The following GLT1D1 variants were observed in gnomAD, a reference collection of about 807,000 sequenced individuals.
GLT1D1 encodes the protein glycosyltransferase 1 domain containing 1.
Under a neutral mutation model 28.7 loss-of-function variants are expected in GLT1D1, and 21 were observed. The observed-to-expected ratio is 0.73, with a 90% CI of 0.52 to 1.05. The LOEUF is 1.05. Among genes scored for constraint, GLT1D1 ranks in the 50% least tolerant of loss-of-function variants. The probability of loss-of-function intolerance (pLI) is 0.00; values close to 1 mark genes in which losing one functional copy is unlikely to be tolerated. For synonymous variants in GLT1D1, 147 were observed against 124.8 expected (o/e 1.18, Z -1.19); for missense variants, 343 against 330.6 (o/e 1.04, Z -0.29).
At chr12:128,904,968 C>T (rs112833555) in intron 4 of GLT1D1, among the ~76,000 whole-genome samples, 5,899 of 152,142 alleles carry the variant, frequency 0.039, 411 homozygotes, top group African/African-American at 0.13. Context: ...TGGGTTTCAC[C>T]ATGTTGGCCA....
intron 4 of GLT1D1, among the ~76,000 whole-genome samples, chr12:128,923,294 A>G (rs936523538): frequency 6.6e-6 from 1 of 152,232 alleles, no homozygotes; most frequent in East Asian, 1.9e-4. Context: ...CCAATTATAC[A>G]GGTTATAAAT....
chr12:128,862,548 C>G (rs558680579), intron 1 of GLT1D1, among the ~76,000 whole-genome samples: 1 of 152,140 alleles, frequency 6.6e-6, no homozygotes, highest in South Asian at 2.1e-4. Flanking sequence ...AAGGCTGAGG[C>G]AGGAGGATCA....
chr12:128,975,412 G>T lies in GLT1D1; in HGVS notation c.640-7517G>T, dbSNP rs571250073. On this transcript the variant is annotated intron_variant, in intron 7 of 7. Transcript: ENST00000281703. Reference sequence around the variant, plus strand: ...TGACCCTACCCAGTTGGCTTGCTCAGTTTCCATCTGCAGAAGATTCCCATA... The same window carrying T: ...TGACCCTACCCAGTTGGCTTGCTCATTTTCCATCTGCAGAAGATTCCCATA... Among the ~76,000 whole-genome samples, 4 of 152,170 alleles carry T rather than the reference G, an allele frequency of 2.6e-5. 1 individual carries two copies. Among genetic ancestry groups the T allele is most frequent in the Non-Finnish European group, 4.4e-5 (3 of 68,006 alleles).
intron 7 of GLT1D1, among the ~76,000 whole-genome samples, chr12:128,970,324 C>G (rs1303767533): frequency 6.6e-6 from 1 of 152,200 alleles, no homozygotes; most frequent in Non-Finnish European, 1.5e-5. Flanking sequence ...CGCCCTCTCC[C>G]CTGAGCCCCA....
At chr12:128,854,382 C>T (rs1956156322) in intron 1 of GLT1D1, among the ~76,000 whole-genome samples, 1 of 145,932 alleles carries the variant, frequency 6.9e-6, no homozygotes, top group Non-Finnish European at 1.5e-5. Context: ...GAGCCTGCAG[C>T]TTAACAGAAG....
intron 1 of GLT1D1, among the ~76,000 whole-genome samples, chr12:128,855,734 G>A (rs1956200869): frequency 6.7e-6 from 1 of 149,140 alleles, no homozygotes; most frequent in South Asian, 2.1e-4. Context: ...AGCCCCAAGG[G>A]CTGCTGGTTG....
chr12:128,928,440 C>T (rs900596966), intron 4 of GLT1D1, among the ~76,000 whole-genome samples: 1 of 152,100 alleles, frequency 6.6e-6, no homozygotes, highest in Non-Finnish European at 1.5e-5. Flanking sequence ...GTGTTCCACG[C>T]CAGTCCTAAT....
At chr12:128,979,131 G>T (rs1471985912) in intron 7 of GLT1D1, among the ~76,000 whole-genome samples, 3 of 152,214 alleles carry the variant, frequency 2.0e-5, no homozygotes, top group Admixed American at 6.5e-5. Context: ...GAGTTCCTCT[G>T]GTTCAAACGC....
intron 7 of GLT1D1, among the ~76,000 whole-genome samples, chr12:128,965,946 C>T (rs1241127442): frequency 6.6e-6 from 1 of 152,070 alleles, no homozygotes; most frequent in Non-Finnish European, 1.5e-5. Flanking sequence ...GAAGAGTTTC[C>T]AGTGATGCCA....
At chr12:128,928,337 C>T (rs992353663) in intron 4 of GLT1D1, among the ~76,000 whole-genome samples, 1 of 152,038 alleles carries the variant, frequency 6.6e-6, no homozygotes, top group African/African-American at 2.4e-5. Flanking sequence ...AGGGATGGAG[C>T]CCCTGAGAGC....
At position 128,894,512 on chromosome 12, in the gene GLT1D1, C is replaced by A. The variant is rs116117886; in HGVS notation, c.324-4724C>A. 7.1e-3 allele frequency among the ~76,000 whole-genome samples: 1,075 copies of A among 152,124 alleles called. 21 individuals are homozygous for A. Among genetic ancestry groups the A allele is most frequent in the African/African-American group, 0.024 (1,000 of 41,484 alleles). ...CTTACGGAAGACTTTCCTCTTTGAT[C>A]CCATTTACTTATTTGATTATTTATT... On this transcript the variant is annotated intron_variant, in intron 3 of 7. Transcript: ENST00000281703.
intron 1 of GLT1D1, among the ~76,000 whole-genome samples, chr12:128,874,449 T>C (rs1420057926): frequency 6.7e-6 from 1 of 149,986 alleles, no homozygotes; most frequent in Non-Finnish European, 1.5e-5. Context: ...CCCAGAGTGC[T>C]GGGATTACAG....
intron 7 of GLT1D1, among the ~76,000 whole-genome samples, chr12:128,959,362 G>A (rs1170028995): frequency 6.9e-6 from 1 of 144,252 alleles, no homozygotes; most frequent in Non-Finnish European, 1.5e-5. Context: ...TCACAGAGTC[G>A]TAAACAAATT....
Position 128,974,177 on chromosome 12 carries a change from A to G in GLT1D1, c.640-8752A>G, listed in dbSNP as rs150395151. The stretch of plus-strand genomic sequence containing the variant: ...CCTTTTCTGCAATTTCAAAATCCAA[A>G]AAGCGCTTGGAAAACATGCAGTCGG... On this transcript the variant is annotated intron_variant, in intron 7 of 7. Coordinates refer to ENST00000281703, the MANE Select transcript of GLT1D1 (RefSeq NM_144669.3). 3.9e-5 allele frequency among the ~76,000 whole-genome samples: 6 copies of G among 152,138 alleles called. No individual in the cohort carries two copies. In the East Asian group the frequency reaches 1.2e-3, roughly 29 times the overall value.
intron 1 of GLT1D1, 103 bp from the exon 2 acceptor site, chr12:128,875,809 CAA>C: frequency 9.1e-7 from 1 of 1,104,332 alleles, no homozygotes; most frequent in Non-Finnish European, 1.3e-6. Flanking sequence ...TCAACAACAA[CAA>C]CAACAACAAC....
chr12:128,914,172 T>G (rs1871846908), intron 4 of GLT1D1, among the ~76,000 whole-genome samples: 3 of 152,048 alleles, frequency 2.0e-5, no homozygotes. Flanking sequence ...CAGCAAAAAT[T>G]AAATGTAACT....
chr12:128,926,554 T>C, intron 4 of GLT1D1, 100 bp downstream of exon 7: 1 of 642,176 alleles, frequency 1.6e-6, no homozygotes, highest in Non-Finnish European at 2.8e-6. Context: ...CTTTCCTCAT[T>C]CTTTGCACGT....
At chr12:128,954,288 A>AT (rs34911662) in intron 6 of GLT1D1, among the ~76,000 whole-genome samples, 56,730 of 138,838 alleles carry the variant, frequency 0.41, 11,647 homozygotes, top group East Asian at 0.49. Context: ...CACCCGGCTA[A>AT]TTTTTTTTTT....
rs920655863 is a variant in GLT1D1 at position 128,984,140 on chromosome 12, C to T, written c.*1050C>T. On this transcript the variant is annotated 3_prime_UTR_variant, in exon 8 of 8. Coordinates refer to ENST00000281703, the MANE Select transcript of GLT1D1 (RefSeq NM_144669.3). ...CGACAATGGGGAACGCGGTGTTTCC[C>T]ACCTCTTGTGGGTAGAAAGCAGTCT... 4 of 152,228 alleles carry T rather than the reference C, an allele frequency of 2.6e-5. No homozygotes were observed. Among genetic ancestry groups the T allele is most frequent in the African/African-American group, 9.7e-5 (4 of 41,448 alleles). The allele number at this position is 152,228 out of a possible 1,614,324, so 9.4% of individuals were successfully genotyped here.
Sources: allele counts gnomAD v4.1 joint callset (sites outside exome capture counted in the v4.1 genomes callset), GRCh38; gene constraint gnomAD v4.1.1; transcripts MANE v1.5; gene names NCBI Gene and HGNC (gene_info 2026-07-23, HGNC 2026-07-21).